ZDHHC20: variants seen among roughly 807,000 people sequenced by gnomAD.
ZDHHC20 encodes zDHHC palmitoyltransferase 20.
ZDHHC20 carries 43 observed loss-of-function variants against 57.8 expected under a neutral mutation model. The observed-to-expected ratio is 0.74, with a 90% CI of 0.58 to 0.96. The LOEUF (loss-of-function observed/expected upper bound fraction) is 0.96. Ranked by LOEUF, ZDHHC20 falls within the 40% of genes least tolerant of loss-of-function variation. The probability of loss-of-function intolerance (pLI) is 0.00; values close to 1 mark genes in which losing one functional copy is unlikely to be tolerated. For missense variants in ZDHHC20, 391 were observed against 441.1 expected, an observed-to-expected ratio of 0.89 and a Z score of 1.02; for synonymous variants, 157 against 153.0, an observed-to-expected ratio of 1.03 and a Z score of -0.19.
chr13:21,441,023 G>A (rs1230198063), intron 1 of ZDHHC20, among the ~76,000 whole-genome samples: 2 of 152,076 alleles, frequency 1.3e-5, no homozygotes, highest in Non-Finnish European at 2.9e-5. Context: ...TTTAAAATCT[G>A]GGGGATTTCC....
rs1349371477 is a variant in ZDHHC20 at position 21,448,487 on chromosome 13, C to T, written c.118+10567G>A. ...GGTGGGGGGGGTCAGCCCCGCCGCC[C>T]GGCCAGCCGCCCCGTCCGGGAGGTG... On this transcript the variant is annotated intron_variant, in intron 1 of 12. Coordinates refer to ENST00000400590, the MANE Select transcript of ZDHHC20 (RefSeq NM_001330059.2). Among the ~76,000 whole-genome samples, 5 of 101,302 alleles carry T rather than the reference C, an allele frequency of 4.9e-5. 1 individual carries two copies. The East Asian group carries it at 7.8e-4, about 16-fold the overall frequency. 66.5% of individuals were successfully genotyped at this position (101,302 alleles called of 152,430 possible).
At chr13:21,387,117 ATG>A (rs1874676183) in intron 9 of ZDHHC20, among the ~76,000 whole-genome samples, 1 of 152,226 alleles carries the variant, frequency 6.6e-6, no homozygotes, top group Non-Finnish European at 1.5e-5. Flanking sequence ...AAATTGCAGT[ATG>A]TGGTTGGTCT....
At chr13:21,405,719 A>G (rs1404397616) in intron 4 of ZDHHC20, among the ~76,000 whole-genome samples, 1 of 152,222 alleles carries the variant, frequency 6.6e-6, no homozygotes, top group Non-Finnish European at 1.5e-5. Context: ...CTCCTCCACT[A>G]TCGCTTAAAA....
At chr13:21,433,212 C>G (rs1882177921) in intron 1 of ZDHHC20, among the ~76,000 whole-genome samples, 1 of 152,202 alleles carries the variant, frequency 6.6e-6, no homozygotes, top group Non-Finnish European at 1.5e-5. Flanking sequence ...CTGTCTGTCT[C>G]AGCCTCCCAA....
chr13:21,437,981 G>A (rs548342451), intron 1 of ZDHHC20, among the ~76,000 whole-genome samples: 5 of 152,294 alleles, frequency 3.3e-5, no homozygotes, highest in East Asian at 1.9e-4. Flanking sequence ...GTGAGCCACC[G>A]CACCCAGCGG....
chr13:21,425,274 A>G (rs942425493), intron 2 of ZDHHC20, among the ~76,000 whole-genome samples: 11 of 152,304 alleles, frequency 7.2e-5, no homozygotes, highest in Admixed American at 4.6e-4. Flanking sequence ...GAGAACCATC[A>G]ATAAAATTTA....
chr13:21,418,563 G>A (rs111321917), intron 3 of ZDHHC20, among the ~76,000 whole-genome samples: 1 of 151,904 alleles, frequency 6.6e-6, no homozygotes, highest in African/African-American at 2.4e-5. Context: ...ACTTTACAGA[G>A]GAGGGATCAA....
intron 8 of ZDHHC20, chr13:21,390,188 A>T (rs948182964): frequency 5.9e-5 from 9 of 152,206 alleles, no homozygotes; most frequent in African/African-American, 1.9e-4. Flanking sequence ...GTTTCCCTCC[A>T]ACTTACCTGG....
intron 4 of ZDHHC20, among the ~76,000 whole-genome samples, chr13:21,410,917 A>G (rs1173780382): frequency 1.3e-5 from 2 of 151,636 alleles, no homozygotes; most frequent in African/African-American, 2.4e-5. Context: ...ACGAAAAAAA[A>G]CTCCTGCAGC....
intron 7 of ZDHHC20, among the ~76,000 whole-genome samples, chr13:21,393,521 A>G (rs1876162108): frequency 6.7e-6 from 1 of 149,452 alleles, no homozygotes; most frequent in African/African-American, 2.5e-5. Context: ...CCTGGCCAAC[A>G]TGGTGAAACC....
At chr13:21,450,033 G>C (rs755069668) in intron 1 of ZDHHC20, among the ~76,000 whole-genome samples, 1 of 152,084 alleles carries the variant, frequency 6.6e-6, no homozygotes, top group African/African-American at 2.4e-5. Flanking sequence ...GTGAGAAGCA[G>C]CTGGATTTTA....
intron 1 of ZDHHC20, 29 bp from the exon 2 acceptor site, chr13:21,425,707 A>G (rs1046208377): frequency 1.8e-6 from 2 of 1,084,474 alleles, no homozygotes; most frequent in Non-Finnish European, 2.5e-6. Flanking sequence ...TAGTGAATAA[A>G]TATACTTTAA....
intron 9 of ZDHHC20, among the ~76,000 whole-genome samples, chr13:21,384,106 G>A (rs907923481): frequency 3.3e-5 from 5 of 151,648 alleles, no homozygotes; most frequent in African/African-American, 1.2e-4. Context: ...AGCAGAACAA[G>A]GTAGTTTCAC....
intron 7 of ZDHHC20, among the ~76,000 whole-genome samples, chr13:21,393,267 C>T (rs1876101758): frequency 1.3e-5 from 2 of 150,838 alleles, no homozygotes; most frequent in South Asian, 2.1e-4. Context: ...CTTTGGGAGG[C>T]GGAGACAGGC....
In ZDHHC20 at chr13:21,376,643, T is replaced by A. The variant is rs1872124564; in HGVS notation, c.*53A>T. 1.4e-6 allele frequency: 2 copies of A among 1,412,960 alleles called. No individual in the cohort carries two copies. The highest frequency in any genetic ancestry group is 2.9e-5 in the African/African-American group (2 of 68,532). 87.5% of individuals were successfully genotyped at this position (1,412,960 alleles called of 1,614,324 possible). A position where few individuals can be genotyped will look rare whatever the true frequency, so the allele number is the denominator to read the frequency against. On this transcript the variant is annotated 3_prime_UTR_variant, in exon 13 of 13. Transcript: ENST00000400590. ...GAAAATTGAAAATACCAGTCTATAATGTTTTCATACACCTACAAAAAAAGA... is the reference window on the plus strand; with the variant it reads ...GAAAATTGAAAATACCAGTCTATAAAGTTTTCATACACCTACAAAAAAAGA...
chr13:21,448,754 T>C (rs1234310523), intron 1 of ZDHHC20, among the ~76,000 whole-genome samples: 1 of 95,330 alleles, frequency 1.0e-5, no homozygotes, highest in Non-Finnish European at 2.8e-5. Context: ...AGGATGACAA[T>C]GGTGGCTTTG....
intron 4 of ZDHHC20, among the ~76,000 whole-genome samples, chr13:21,413,155 C>T (rs1489036608): frequency 3.3e-5 from 5 of 152,046 alleles, no homozygotes; most frequent in Non-Finnish European, 5.9e-5. Context: ...AGCATTAGTA[C>T]AGAGGAAACA....
At chr13:21,431,598 A>T (rs1881965422) in intron 1 of ZDHHC20, among the ~76,000 whole-genome samples, 2 of 152,248 alleles carry the variant, frequency 1.3e-5, no homozygotes, top group African/African-American at 4.8e-5. Flanking sequence ...TGGCACTTCC[A>T]CTTACAATGG....
At chr13:21,403,125 A>C (rs912400132) in intron 4 of ZDHHC20, among the ~76,000 whole-genome samples, 1 of 152,190 alleles carries the variant, frequency 6.6e-6, no homozygotes, top group African/African-American at 2.4e-5. Flanking sequence ...AATGACTCAT[A>C]CAAGGTCAAA....
Sources: allele counts gnomAD v4.1 joint callset (sites outside exome capture counted in the v4.1 genomes callset), GRCh38; gene constraint gnomAD v4.1.1; transcripts MANE v1.5; gene names NCBI Gene and HGNC (gene_info 2026-07-23, HGNC 2026-07-21).